IGF1R: variants seen among roughly 807,000 people sequenced by gnomAD.
The protein encoded by IGF1R is insulin like growth factor 1 receptor, also known as insulin-like growth factor 1 receptor.
IGF1R carries 44 observed loss-of-function variants against 144.6 expected under a neutral mutation model. The ratio of observed to expected loss-of-function variants is 0.30; its 90% CI spans 0.24 to 0.39. The LOEUF (loss-of-function observed/expected upper bound fraction) is 0.39, where lower values mean the gene tolerates loss of function less well. Ranked by LOEUF, IGF1R falls within the 10% of genes least tolerant of loss-of-function variation. The pLI, the probability that IGF1R is intolerant of heterozygous loss-of-function variation, is 1.00. For synonymous variants in IGF1R, 795 were observed against 722.8 expected, an observed-to-expected ratio of 1.10 and a Z score of -1.60; for missense variants, 1,355 against 1,833.7, an observed-to-expected ratio of 0.74 and a Z score of 4.77.
At chr15:98,792,964 T>C (rs1398912251) in intron 2 of IGF1R, among the ~76,000 whole-genome samples, 1 of 152,186 alleles carries the variant, frequency 6.6e-6, no homozygotes, top group Non-Finnish European at 1.5e-5. Context: ...TGTATATTGC[T>C]GTATTGATTT....
At chr15:98,940,690 C>A (rs1476066764) in intron 18 of IGF1R, among the ~76,000 whole-genome samples, 1 of 152,214 alleles carries the variant, frequency 6.6e-6, no homozygotes, top group Non-Finnish European at 1.5e-5. Context: ...CAGGCGTGAG[C>A]CACCACACCC....
intron 2 of IGF1R, among the ~76,000 whole-genome samples, chr15:98,852,563 A>C (rs1363469378): frequency 6.6e-6 from 1 of 152,184 alleles, no homozygotes; most frequent in African/African-American, 2.4e-5. Context: ...TCACCAGAGC[A>C]GAGGAGGAGT....
chr15:98,809,203 G>A (rs1353983189), intron 2 of IGF1R, among the ~76,000 whole-genome samples: 1 of 152,236 alleles, frequency 6.6e-6, no homozygotes, highest in East Asian at 1.9e-4. Flanking sequence ...CATGTACTGA[G>A]GATGGAGGTA....
At chr15:98,852,310 C>T (rs1156359774) in intron 2 of IGF1R, among the ~76,000 whole-genome samples, 1 of 152,150 alleles carries the variant, frequency 6.6e-6, no homozygotes, top group African/African-American at 2.4e-5. Context: ...GCGCGCCCCA[C>T]CCCGCCCCGG....
chr15:98,649,475 G>T lies in IGF1R; in HGVS notation c.-107G>T, dbSNP rs1317938762. 2.5e-6 allele frequency: 2 copies of T among 790,444 alleles called. No individual in the cohort carries two copies. The highest frequency in any genetic ancestry group is 1.6e-5 in the South Asian group (1 of 61,478). The allele number at this position is 790,444 out of a possible 1,614,324, so 49.0% of individuals were successfully genotyped here. On this transcript the variant is annotated 5_prime_UTR_variant, in exon 1 of 21. Coordinates refer to ENST00000650285, the MANE Select transcript of IGF1R (RefSeq NM_000875.5). ...CCCTTGTTTTTGGAGGGGGAGCGAA[G>T]ACTGAGTTTGAGACTTGTTTCCTTT...
intron 1 of IGF1R, among the ~76,000 whole-genome samples, chr15:98,669,487 C>T (rs2052831487): frequency 2.0e-5 from 3 of 152,162 alleles, no homozygotes; most frequent in Admixed American, 2.0e-4. Context: ...TAGAACGTTG[C>T]CCTCAGGGTC....
chr15:98,964,033 A>T lies in IGF1R; in HGVS notation c.*6591A>T. The T allele has an allele frequency of 4.3e-6, 1 of 233,232 alleles. No individual in the cohort carries two copies. The highest frequency in any genetic ancestry group is 6.1e-5 in the East Asian group (1 of 16,492). 14.4% of individuals were successfully genotyped at this position (233,232 alleles called of 1,614,324 possible). ...ACACACACATCCACCGGTGGAAGAGACGCCCGGTGAAAACACCTGTCTGCT... is the reference window on the plus strand; with the variant it reads ...ACACACACATCCACCGGTGGAAGAGTCGCCCGGTGAAAACACCTGTCTGCT... On this transcript the variant is annotated 3_prime_UTR_variant, in exon 21 of 21. Transcript: ENST00000650285.
At chr15:98,947,534 A>C (rs1395198202) in intron 19 of IGF1R, among the ~76,000 whole-genome samples, 2 of 152,126 alleles carry the variant, frequency 1.3e-5, no homozygotes, top group Admixed American at 1.3e-4. Flanking sequence ...AGTGAACCAC[A>C]TGGAAAGGCA....
rs2151741774 is a variant in IGF1R at position 98,959,103 on chromosome 15, T to C, written c.*1661T>C. On this transcript the variant is annotated 3_prime_UTR_variant, in exon 21 of 21. Coordinates refer to ENST00000650285, the MANE Select transcript of IGF1R (RefSeq NM_000875.5). ...TCAGGTCAGAAAAACAAAGGTTAAA[T>C]ATTTCACACGTCTTTGTTCAGTGTT... is the stretch of plus-strand genomic sequence containing the variant. The C allele has an allele frequency of 4.3e-6, 1 of 233,308 alleles. No homozygotes were observed. Among genetic ancestry groups the C allele is most frequent in the African/African-American group, 2.2e-5 (1 of 45,458 alleles). 14.5% of individuals were successfully genotyped at this position (233,308 alleles called of 1,614,324 possible).
chr15:98,726,166 A>AT (rs1036392920), intron 2 of IGF1R, among the ~76,000 whole-genome samples: 3 of 152,170 alleles, frequency 2.0e-5, no homozygotes, highest in Non-Finnish European at 4.4e-5. Context: ...TTACTGTTCC[A>AT]TTTTTTGTGG....
intron 2 of IGF1R, chr15:98,824,217 C>T (rs1422376948): frequency 6.6e-6 from 1 of 152,138 alleles, no homozygotes; most frequent in Non-Finnish European, 1.5e-5. Context: ...TGTGCACGGC[C>T]ACCTGGTTCC....
At chr15:98,657,948 A>G (rs1444994507) in intron 1 of IGF1R, among the ~76,000 whole-genome samples, 1 of 152,194 alleles carries the variant, frequency 6.6e-6, no homozygotes, top group Non-Finnish European at 1.5e-5. Context: ...ATTGACTCTG[A>G]CTACATGCTG....
chr15:98,739,865 T>G (rs749632584), intron 2 of IGF1R, among the ~76,000 whole-genome samples: 3 of 152,206 alleles, frequency 2.0e-5, no homozygotes, highest in Non-Finnish European at 4.4e-5. Context: ...GGGCTGGGAT[T>G]ACAGGCCTGA....
chr15:98,915,083 T>A (rs1186229759), intron 8 of IGF1R, among the ~76,000 whole-genome samples: 1 of 152,210 alleles, frequency 6.6e-6, no homozygotes. Context: ...TTAAGTGATA[T>A]CCAGTGAAGG....
intron 2 of IGF1R, among the ~76,000 whole-genome samples, chr15:98,763,244 G>A (rs187062104): frequency 7.1e-4 from 108 of 152,194 alleles, no homozygotes; most frequent in Non-Finnish European, 1.1e-3. Flanking sequence ...TATGGTGCTC[G>A]TCTTACATAA....
rs1175016009 is a variant in IGF1R at position 98,896,862 on chromosome 15, C to T, written c.1059C>T (p.Cys353=). Residue 353 remains cysteine (C), a synonymous_variant, in exon 4 of 21, where the codon TGC becomes TGT. Coordinates refer to ENST00000650285, the MANE Select transcript of IGF1R (RefSeq NM_000875.5). Reference sequence around the variant, plus strand: ...CTTCTGCTCAGATGCTCCAAGGATGCACCATCTTCAAGGGCAATTTGCTCA... The same window carrying T: ...CTTCTGCTCAGATGCTCCAAGGATGTACCATCTTCAAGGGCAATTTGCTCA... ...SVTSAQMLQG[C]TIFKGNLLIN... The T allele has an allele frequency of 6.2e-7, 1 of 1,613,854 alleles. No individual in the cohort carries two copies. Among genetic ancestry groups the T allele is most frequent in the Non-Finnish European group, 8.5e-7 (1 of 1,179,912 alleles).
chr15:98,853,608 C>A (rs2011633318), intron 2 of IGF1R, among the ~76,000 whole-genome samples: 1 of 152,202 alleles, frequency 6.6e-6, no homozygotes, highest in Non-Finnish European at 1.5e-5. Flanking sequence ...GCCTTTTCAG[C>A]ATAAAAAAGA....
rs145912497 is a variant in IGF1R at position 98,830,088 on chromosome 15, C to A, written c.641-61237C>A. Among the ~76,000 whole-genome samples, 117 of 152,322 alleles carry A rather than the reference C, an allele frequency of 7.7e-4. 1 individual carries two copies. In the East Asian group the frequency reaches 0.017, roughly 22 times the overall value. On this transcript the variant is annotated intron_variant, in intron 2 of 20. Coordinates refer to ENST00000650285, the MANE Select transcript of IGF1R (RefSeq NM_000875.5). ...GTTGTTTGTCCCTGCTGTGTCCCAA[C>A]CTGGAATCTCTTTCTTCTTCCTTCA...
At chr15:98,815,658 A>AG (rs1479967386) in intron 2 of IGF1R, among the ~76,000 whole-genome samples, 3 of 152,210 alleles carry the variant, frequency 2.0e-5, no homozygotes, top group African/African-American at 4.8e-5. Context: ...CTCAGTGCGT[A>AG]GGATAGGGTC....
Sources: gnomAD v4.1 joint callset for allele counts (sites outside exome capture counted in the v4.1 genomes callset) on GRCh38, gnomAD v4.1.1 for gene constraint, MANE v1.5 for transcripts, NCBI Gene and HGNC (gene_info 2026-07-23, HGNC 2026-07-21) for gene names.